The following PRELID2 variants were observed in gnomAD, a reference collection of about 807,000 sequenced individuals.
PRELID2 encodes the protein PRELI domain containing 2, also known as PRELI domain-containing protein 2.
PRELID2 carries 25 observed loss-of-function variants against 28.4 expected under a neutral mutation model. The observed-to-expected ratio is 0.88, with a 90% CI of 0.64 to 1.23. The LOEUF (loss-of-function observed/expected upper bound fraction) is 1.23, where lower values mean the gene tolerates loss of function less well. Among genes scored for constraint, PRELID2 ranks in the 50% most tolerant of loss-of-function variants. PRELID2 has a pLI of 0.00. For synonymous variants in PRELID2, 76 were observed against 71.6 expected (o/e 1.06, Z -0.31); for missense variants, 201 against 214.4 (o/e 0.94, Z 0.39).
the PRELID2 span, among the ~76,000 whole-genome samples, chr5:145,333,367 C>G: frequency 6.6e-6 from 1 of 152,184 alleles, no homozygotes; most frequent in East Asian, 1.9e-4. Context: ...AAGGTGTGCC[C>G]ACAGCTTCCC....
At chr5:145,591,203 G>A (rs1753221903) in intron 1 of PRELID2, among the ~76,000 whole-genome samples, 1 of 151,892 alleles carries the variant, frequency 6.6e-6, no homozygotes, top group Non-Finnish European at 1.5e-5. Flanking sequence ...GACTGAGGTA[G>A]GAGGACTGCT....
At chr5:145,435,371 G>A in the PRELID2 span, among the ~76,000 whole-genome samples, 1 of 152,192 alleles carries the variant, frequency 6.6e-6, no homozygotes, top group East Asian at 1.9e-4. Flanking sequence ...GGAGGAGTGA[G>A]TGCAAAGGCC....
At chr5:145,699,055 T>C (rs1456242241) in intron 1 of PRELID2, among the ~76,000 whole-genome samples, 1 of 152,128 alleles carries the variant, frequency 6.6e-6, no homozygotes, top group Admixed American at 6.5e-5. Context: ...CGTCATCACC[T>C]TGGGGTTTAG....
At position 145,759,612 on chromosome 5, in the gene PRELID2, T is replaced by A. The variant is rs1213540766; in HGVS notation, c.*924A>T. ...TATCATCTTGTTTCACAAATTTTTT[T>A]AAATGAGATTCAGAAAGATTTAAAA... is the stretch of plus-strand genomic sequence containing the variant. On this transcript the variant is annotated 3_prime_UTR_variant, in exon 7 of 7. Coordinates refer to ENST00000683046, the MANE Select transcript of PRELID2 (RefSeq NM_205846.3). 2.0e-5 allele frequency: 3 copies of A among 152,234 alleles called. No individual in the cohort carries two copies. Among genetic ancestry groups the A allele is most frequent in the African/African-American group, 2.4e-5 (1 of 41,462 alleles). The allele number at this position is 152,234 out of a possible 1,614,324, so 9.4% of individuals were successfully genotyped here. A position where few individuals can be genotyped will look rare whatever the true frequency, so the allele number is the denominator to read the frequency against.
At chr5:145,247,496 C>A in the PRELID2 span, among the ~76,000 whole-genome samples, 1 of 152,226 alleles carries the variant, frequency 6.6e-6, no homozygotes, top group Admixed American at 6.5e-5. Context: ...CCTCTTTGAA[C>A]CATCTTCTGA....
At chr5:145,303,508 C>G in the PRELID2 span, among the ~76,000 whole-genome samples, 1 of 152,142 alleles carries the variant, frequency 6.6e-6, no homozygotes, top group South Asian at 2.1e-4. Context: ...TCTGTAGGCT[C>G]CAGGCTGGGA....
At chr5:145,473,082 AT>A (rs2126607390) in intron 2 of PRELID2, 1 of 152,342 alleles carries the variant, frequency 6.6e-6, no homozygotes, top group African/African-American at 2.4e-5. Context: ...ACACTAAAAT[AT>A]ACCATGAGTA....
chr5:145,774,218 T>C (rs1283449429), intron 5 of PRELID2, among the ~76,000 whole-genome samples: 1 of 152,208 alleles, frequency 6.6e-6, no homozygotes, highest in Admixed American at 6.5e-5. Context: ...CTCTCACCAT[T>C]TCCAGGTAAG....
chr5:145,322,916 G>A, the PRELID2 span, among the ~76,000 whole-genome samples: 1 of 152,072 alleles, frequency 6.6e-6, no homozygotes, highest in Non-Finnish European at 1.5e-5. Context: ...GGAAGGCGGA[G>A]GTTGCAGTGA....
intron 1 of PRELID2, among the ~76,000 whole-genome samples, chr5:145,526,416 T>C (rs1370456719): frequency 6.6e-6 from 1 of 152,054 alleles, no homozygotes; most frequent in African/African-American, 2.4e-5. Flanking sequence ...CTGGAATGTA[T>C]ACACAATGGC....
At chr5:145,397,506 A>T in the PRELID2 span, among the ~76,000 whole-genome samples, 1 of 152,224 alleles carries the variant, frequency 6.6e-6, no homozygotes, top group African/African-American at 2.4e-5. Context: ...GTCAAAATAC[A>T]TTGCATCTTG....
At chr5:145,684,593 A>G (rs981593912) in intron 1 of PRELID2, among the ~76,000 whole-genome samples, 1 of 152,214 alleles carries the variant, frequency 6.6e-6, no homozygotes, top group African/African-American at 2.4e-5. Context: ...TATTTCACAG[A>G]TGAGAAAATA....
At chr5:145,640,928 T>C (rs1754096941) in intron 1 of PRELID2, among the ~76,000 whole-genome samples, 1 of 152,150 alleles carries the variant, frequency 6.6e-6, no homozygotes, top group Non-Finnish European at 1.5e-5. Context: ...GCTCAATAAA[T>C]AGTGGTAGAA....
the PRELID2 span, among the ~76,000 whole-genome samples, chr5:145,388,217 G>A: frequency 1.3e-5 from 2 of 152,058 alleles, no homozygotes; most frequent in Non-Finnish European, 2.9e-5. Context: ...CTTGAATTCT[G>A]TATGCTAGTA....
intron 1 of PRELID2, among the ~76,000 whole-genome samples, chr5:145,623,316 C>T (rs1431721221): frequency 4.0e-5 from 6 of 151,694 alleles, no homozygotes; most frequent in Non-Finnish European, 7.4e-5. Flanking sequence ...GGTGTGGTGG[C>T]GCGCACCTGT....
At chr5:145,680,861 C>T (rs1054847971) in intron 1 of PRELID2, among the ~76,000 whole-genome samples, 5 of 152,018 alleles carry the variant, frequency 3.3e-5, no homozygotes, top group African/African-American at 4.8e-5. Flanking sequence ...TTTGTTCCAT[C>T]GCCAAGGAAG....
At chr5:145,619,454 G>A (rs1203700003) in intron 1 of PRELID2, among the ~76,000 whole-genome samples, 1 of 152,204 alleles carries the variant, frequency 6.6e-6, no homozygotes, top group Non-Finnish European at 1.5e-5. Context: ...ATCTTCTCCT[G>A]CAAACTAGAC....
rs533548837 is a variant in PRELID2 at position 145,683,858 on chromosome 5, G to A, written n.70+81073C>T. ...TGGCCAGTAGAACGAGCTGCTGATT[G>A]TATAGAACAGCAGAGTGCACTGATG... On this transcript the variant is annotated intron_variant and non_coding_transcript_variant, in intron 1 of 2. Coordinates refer to the PRELID2 transcript ENST00000510259. Among the ~76,000 whole-genome samples the A allele has an allele frequency of 5.9e-5, 9 of 152,252 alleles. No individual in the cohort carries two copies. In the South Asian group the frequency reaches 1.9e-3, roughly 32 times the overall value.
chr5:145,290,501 C>G, the PRELID2 span, among the ~76,000 whole-genome samples: 1 of 149,734 alleles, frequency 6.7e-6, no homozygotes, highest in Admixed American at 6.8e-5. Flanking sequence ...ATCGCAAGGA[C>G]AGAAAACCAA....
Sources: allele counts gnomAD v4.1 joint callset (sites outside exome capture counted in the v4.1 genomes callset), GRCh38; gene constraint gnomAD v4.1.1; transcripts MANE v1.5; gene names NCBI Gene and HGNC (gene_info 2026-07-23, HGNC 2026-07-21).